Variants in AGO2 observed in about 807,000 individuals in gnomAD.
AGO2 encodes argonaute RISC catalytic component 2.
AGO2 carries 5 observed loss-of-function variants against 102.3 expected under a neutral mutation model. The observed-to-expected ratio is 0.05, with a 90% CI of 0.03 to 0.10. The LOEUF is 0.10. Among genes scored for constraint, AGO2 ranks in the 10% least tolerant of loss-of-function variants. The pLI is 1.00. For synonymous variants in AGO2, 449 were observed against 473.1 expected (o/e 0.95, Z 0.66); for missense variants, 541 against 1,183.7 (o/e 0.46, Z 7.97).
intron 2 of AGO2, among the ~76,000 whole-genome samples, chr8:140,577,207 C>CAAAAAAAAAAAAAA (rs10661844): frequency 5.7e-5 from 4 of 70,750 alleles, no homozygotes; most frequent in African/African-American, 1.9e-4. Context: ...GACTCCATCT[C>CAAAAAAAAAAAAAA]AAAAAAAAAA....
chr8:140,560,304 G>T, intron 5 of AGO2, 70 bp downstream of exon 5: 2 of 1,565,476 alleles, frequency 1.3e-6, no homozygotes, highest in South Asian at 2.3e-5. Context: ...GCCACCCCCC[G>T]ACCGGGGTCC....
intron 1 of AGO2, among the ~76,000 whole-genome samples, chr8:140,619,507 G>A (rs528796733): frequency 6.6e-6 from 1 of 152,158 alleles, no homozygotes; most frequent in Non-Finnish European, 1.5e-5. Context: ...GCCAGGGACC[G>A]GGCAGGCCAG....
chr8:140,612,023 A>C (rs1384488104), intron 1 of AGO2, among the ~76,000 whole-genome samples: 5 of 151,416 alleles, frequency 3.3e-5, no homozygotes, highest in Non-Finnish European at 7.4e-5. Context: ...GGAGATCGAG[A>C]CCATCCTGGC....
At chr8:140,620,322 G>A (rs900611829) in intron 1 of AGO2, among the ~76,000 whole-genome samples, 2 of 152,206 alleles carry the variant, frequency 1.3e-5, no homozygotes, top group Non-Finnish European at 2.9e-5. Context: ...ACGATCAGAC[G>A]AGATGATGGC....
intron 1 of AGO2, among the ~76,000 whole-genome samples, chr8:140,590,355 T>C (rs2073729337): frequency 6.6e-6 from 1 of 152,192 alleles, no homozygotes; most frequent in Non-Finnish European, 1.5e-5. Flanking sequence ...ACCCTCGCAC[T>C]TTGGGGGTCC....
intron 2 of AGO2, among the ~76,000 whole-genome samples, chr8:140,582,951 A>G (rs2073579419): frequency 1.3e-5 from 2 of 152,208 alleles, no homozygotes; most frequent in South Asian, 2.1e-4. Context: ...GAACTGGTAA[A>G]GCTTGACTTC....
intron 9 of AGO2, 37 bp from the exon 10 acceptor site, chr8:140,556,055 G>A (rs2132928065): frequency 6.2e-7 from 1 of 1,612,724 alleles, no homozygotes; most frequent in Non-Finnish European, 8.5e-7. Context: ...CGGAGTGGGT[G>A]GAGGCCTCCC....
At position 140,539,195 on chromosome 8, in the gene AGO2, G is replaced by A. The variant is rs1036180044; in HGVS notation, c.2169+125C>T. On this transcript the variant is annotated intron_variant, in intron 16 of 18. Coordinates refer to ENST00000220592, the MANE Select transcript of AGO2 (RefSeq NM_012154.5). This position sits in a 1 kb window ranked among gnomAD's most constrained non-coding sequence, Gnocchi z 4.7. ...CTGGGTCCCCATGAAGCCCCTTAGA[G>A]GACAGAGTCACCCTAGAGCCTGGGA... The A allele has an allele frequency of 1.5e-5, 20 of 1,379,208 alleles. No individual in the cohort carries two copies. Among genetic ancestry groups the A allele is most frequent in the Non-Finnish European group, 1.8e-5 (19 of 1,028,996 alleles). 85.4% of individuals were successfully genotyped at this position (1,379,208 alleles called of 1,614,324 possible). A position where few individuals can be genotyped will look rare whatever the true frequency, so the allele number is the denominator to read the frequency against.
chr8:140,601,183 G>A (rs957216771), intron 1 of AGO2, among the ~76,000 whole-genome samples: 3 of 152,160 alleles, frequency 2.0e-5, no homozygotes, highest in East Asian at 3.9e-4. Flanking sequence ...GAGGCTGTCC[G>A]GCCACAAGGC....
At position 140,539,469 on chromosome 8, in the gene AGO2, G is replaced by A. The variant is rs372825340; in HGVS notation, c.2035-15C>T. On this transcript the variant is annotated splice_polypyrimidine_tract_variant and intron_variant, in intron 15 of 18. Transcript: ENST00000220592. The surrounding 1 kb of genome is among the most constrained non-coding windows in gnomAD (Gnocchi z 4.7). ...TGGTGGAGAACCTAGGGGTACGGGA[G>A]GGAGGAGGTTGTGCTTAAAGATGGT... 4 of 1,604,744 alleles carry A rather than the reference G, an allele frequency of 2.5e-6. No individual in the cohort carries two copies. The highest frequency in any genetic ancestry group is 3.4e-6 in the Non-Finnish European group (4 of 1,175,182).
At position 140,556,796 on chromosome 8, in the gene AGO2, C is replaced by T. The variant is rs572227717; in HGVS notation, c.1026+293G>A. Among the ~76,000 whole-genome samples the T allele has an allele frequency of 3.3e-5, 5 of 152,268 alleles. No homozygotes were observed. The East Asian group carries it at 5.8e-4, about 18-fold the overall frequency. On this transcript the variant is annotated intron_variant, in intron 8 of 18. Coordinates refer to ENST00000220592, the MANE Select transcript of AGO2 (RefSeq NM_012154.5). Reference sequence around the variant, plus strand: ...CGTGATGTTAGAGGAGAGTGAATGACGCAACGGTGCAGTGACGGAGCACCT... The same window carrying T: ...CGTGATGTTAGAGGAGAGTGAATGATGCAACGGTGCAGTGACGGAGCACCT...
At chr8:140,578,554 G>C (rs1020749770) in intron 2 of AGO2, among the ~76,000 whole-genome samples, 1 of 152,248 alleles carries the variant, frequency 6.6e-6, no homozygotes, top group Non-Finnish European at 1.5e-5. Context: ...AAGCGTCCCT[G>C]CTTCTGCAGA....
chr8:140,559,247 C>T (rs2073155506), intron 6 of AGO2, 148 bp downstream of exon 6: 1 of 985,382 alleles, frequency 1.0e-6, no homozygotes, highest in Non-Finnish European at 1.5e-6. Flanking sequence ...TCTAACTCAT[C>T]TCCATGCTAC....
rs2073714330 is a variant in AGO2 at position 140,589,428 on chromosome 8, G to A, written c.23-4117C>T. ...TGAGCTTGGGTGGCAGCCTCGCTGTGAGGCTGGCACAGGGGCCCAGGGCTG... is the reference window on the plus strand; with the variant it reads ...TGAGCTTGGGTGGCAGCCTCGCTGTAAGGCTGGCACAGGGGCCCAGGGCTG... On this transcript the variant is annotated intron_variant, in intron 1 of 18. Coordinates refer to ENST00000220592, the MANE Select transcript of AGO2 (RefSeq NM_012154.5). The surrounding 1 kb of genome is among the most constrained non-coding windows in gnomAD (Gnocchi z 4.2). Among the ~76,000 whole-genome samples, 1 of 151,824 alleles carries A rather than the reference G, an allele frequency of 6.6e-6. No homozygotes were observed. The highest frequency in any genetic ancestry group is 1.5e-5 in the Non-Finnish European group (1 of 67,908).
chr8:140,635,114 C>T (rs1157154569), intron 1 of AGO2, among the ~76,000 whole-genome samples: 1 of 146,772 alleles, frequency 6.8e-6, no homozygotes, highest in Non-Finnish European at 1.5e-5. Context: ...CTCCGGGCCT[C>T]GGGCCTACAC....
At chr8:140,569,792 C>T (rs1377695167) in intron 3 of AGO2, among the ~76,000 whole-genome samples, 1 of 152,146 alleles carries the variant, frequency 6.6e-6, no homozygotes, top group Non-Finnish European at 1.5e-5. Context: ...TCTCTCTTTC[C>T]ACACAGGGGC....
chr8:140,522,913 C>T lies in AGO2; in HGVS notation c.*9131G>A, dbSNP rs2132830423. 1 of 152,332 alleles carries T rather than the reference C, an allele frequency of 6.6e-6. No homozygotes were observed. Among genetic ancestry groups the T allele is most frequent in the African/African-American group, 2.4e-5 (1 of 41,572 alleles). The allele number at this position is 152,332 out of a possible 1,614,324, so 9.4% of individuals were successfully genotyped here. On this transcript the variant is annotated 3_prime_UTR_variant, in exon 19 of 19. Coordinates refer to ENST00000220592, the MANE Select transcript of AGO2 (RefSeq NM_012154.5). The stretch of plus-strand genomic sequence containing the variant: ...AAGGCTTAATTTAAAGTGGCATTGC[C>T]ACCTAGCATCATGCAAGCGTGGACA...
intron 1 of AGO2, among the ~76,000 whole-genome samples, chr8:140,591,476 A>T (rs1401945558): frequency 6.6e-6 from 1 of 152,226 alleles, no homozygotes; most frequent in Non-Finnish European, 1.5e-5. Context: ...TTTTGGTTTA[A>T]TGAGTAATAG....
At chr8:140,632,366 G>A (rs549580506) in intron 1 of AGO2, among the ~76,000 whole-genome samples, 1 of 152,348 alleles carries the variant, frequency 6.6e-6, no homozygotes, top group African/African-American at 2.4e-5. Flanking sequence ...CACCAGTATT[G>A]GGAGAAGTGG....
Sources: gnomAD v4.1 joint callset for allele counts (sites outside exome capture counted in the v4.1 genomes callset) on GRCh38, gnomAD v4.1.1 for gene constraint, Gnocchi (gnomAD v3.1) non-coding constraint, MANE v1.5 for transcripts, NCBI Gene and HGNC (gene_info 2026-07-23, HGNC 2026-07-21) for gene names.